PPP2R3A: variants seen among roughly 807,000 people sequenced by gnomAD.
The protein encoded by PPP2R3A is protein phosphatase 2 regulatory subunit B''alpha.
PPP2R3A carries 80 observed loss-of-function variants against 106.9 expected under a neutral mutation model. That is an observed-to-expected ratio of 0.75 (90% CI 0.62 to 0.90). The LOEUF is 0.90. Among genes scored for constraint, PPP2R3A ranks in the 40% least tolerant of loss-of-function variants. PPP2R3A has a pLI of 0.00. For missense variants in PPP2R3A, 1,386 were observed against 1,350.4 expected, an observed-to-expected ratio of 1.03 and a Z score of -0.41; for synonymous variants, 483 against 468.3, an observed-to-expected ratio of 1.03 and a Z score of -0.41.
At chr3:136,131,033 G>T (rs141164406) in intron 13 of PPP2R3A, among the ~76,000 whole-genome samples, 12,410 of 152,140 alleles carry the variant, frequency 0.082, 644 homozygotes, top group African/African-American at 0.15. Context: ...ACTTAATTAA[G>T]TTAGACCTAA....
intron 2 of PPP2R3A, among the ~76,000 whole-genome samples, chr3:136,013,692 T>A: frequency 6.6e-6 from 1 of 152,188 alleles, no homozygotes; most frequent in East Asian, 1.9e-4. Flanking sequence ...GCCCACTTTC[T>A]GATGGGATTG....
intron 13 of PPP2R3A, among the ~76,000 whole-genome samples, chr3:136,137,547 T>TTTTTTTTTTTTTG (rs1938672577): frequency 8.6e-6 from 1 of 116,510 alleles, no homozygotes; most frequent in Non-Finnish European, 1.8e-5. Flanking sequence ...TTTTTTTTTT[T>TTTTTTTTTTTTTG]TTTTTTTTTT....
In PPP2R3A at chr3:136,002,087, C is replaced by T. The variant is rs1217017836; in HGVS notation, c.589C>T (p.Leu197=). 6.2e-7 allele frequency: 1 copy of T among 1,613,992 alleles called. No homozygotes were observed. The change falls in exon 2 of 14, where the codon CTG becomes TTG. Residue 197 remains leucine, a synonymous_variant. Coordinates refer to ENST00000264977, the MANE Select transcript of PPP2R3A (RefSeq NM_002718.5). ...LSHRNSLDTN[L]TSMFLQNFSE... Reference sequence around the variant, plus strand: ...TCATAGAAACTCACTGGATACGAACCTGACTTCCATGTTTCTTCAAAACTT... The same window carrying T: ...TCATAGAAACTCACTGGATACGAACTTGACTTCCATGTTTCTTCAAAACTT...
At chr3:135,991,070 A>G (rs765120636) in intron 1 of PPP2R3A, among the ~76,000 whole-genome samples, 6 of 151,744 alleles carry the variant, frequency 4.0e-5, no homozygotes, top group African/African-American at 7.3e-5. Flanking sequence ...CCTTCAGCCA[A>G]CTACACTACT....
intron 1 of PPP2R3A, among the ~76,000 whole-genome samples, chr3:135,971,806 T>C (rs770868619): frequency 2.6e-5 from 4 of 152,158 alleles, no homozygotes; most frequent in Non-Finnish European, 1.5e-5. Flanking sequence ...ATCACAAATA[T>C]GGTTAGGTAC....
chr3:136,122,671 A>C (rs1044605706), intron 13 of PPP2R3A, among the ~76,000 whole-genome samples: 14 of 152,240 alleles, frequency 9.2e-5, no homozygotes, highest in African/African-American at 3.4e-4. Flanking sequence ...CACAGAGAGC[A>C]TACTATGTAA....
intron 2 of PPP2R3A, among the ~76,000 whole-genome samples, chr3:136,018,128 A>G (rs1373351146): frequency 1.3e-5 from 2 of 152,148 alleles, no homozygotes; most frequent in Non-Finnish European, 2.9e-5. Flanking sequence ...TTAGCTGGGC[A>G]CAGTGCCATG....
intron 2 of PPP2R3A, among the ~76,000 whole-genome samples, chr3:136,020,904 T>C (rs1283281215): frequency 6.6e-6 from 1 of 152,094 alleles, no homozygotes; most frequent in Non-Finnish European, 1.5e-5. Flanking sequence ...AAGTGCTGTA[T>C]ATATAAAGTT....
At chr3:136,043,277 G>A (rs1935354764) in intron 4 of PPP2R3A, among the ~76,000 whole-genome samples, 1 of 152,124 alleles carries the variant, frequency 6.6e-6, no homozygotes. Flanking sequence ...GGCTAACACA[G>A]TGAAACCCCA....
chr3:136,045,626 A>C (rs1397650584), intron 4 of PPP2R3A, among the ~76,000 whole-genome samples: 3 of 152,134 alleles, frequency 2.0e-5, no homozygotes, highest in Non-Finnish European at 4.4e-5. Context: ...GGAAGTTCTC[A>C]CTGCTATCTG....
intron 2 of PPP2R3A, among the ~76,000 whole-genome samples, chr3:136,005,902 C>T (rs1933826943): frequency 6.6e-6 from 1 of 152,188 alleles, no homozygotes; most frequent in African/African-American, 2.4e-5. Flanking sequence ...CAGAAACTCT[C>T]ACTGTGATAC....
intron 10 of PPP2R3A, among the ~76,000 whole-genome samples, chr3:136,096,102 G>A (rs905497484): frequency 6.6e-6 from 1 of 152,058 alleles, no homozygotes; most frequent in African/African-American, 2.4e-5. Context: ...ATTGAATACT[G>A]TACTGAAAGT....
At chr3:136,068,379 A>G (rs1055783716) in intron 5 of PPP2R3A, among the ~76,000 whole-genome samples, 31 of 152,128 alleles carry the variant, frequency 2.0e-4, no homozygotes, top group Admixed American at 1.9e-3. Context: ...TAGGCCGGGC[A>G]TGGTGGCACA....
At chr3:136,036,750 C>G (rs987082624) in intron 3 of PPP2R3A, among the ~76,000 whole-genome samples, 1 of 152,216 alleles carries the variant, frequency 6.6e-6, no homozygotes, top group African/African-American at 2.4e-5. Flanking sequence ...CTGTCTGTCC[C>G]AAGTTGGAGC....
chr3:135,979,635 G>A (rs1332723163), intron 1 of PPP2R3A, among the ~76,000 whole-genome samples: 7 of 151,740 alleles, frequency 4.6e-5, no homozygotes, highest in South Asian at 2.1e-4. Context: ...TGCTTTGGTT[G>A]TAAAAGTGGG....
chr3:136,081,622 A>G (rs1196862742), intron 7 of PPP2R3A, among the ~76,000 whole-genome samples: 1 of 151,542 alleles, frequency 6.6e-6, no homozygotes, highest in South Asian at 2.1e-4. Flanking sequence ...ATATGTCTTT[A>G]TTTATCTGCC....
chr3:136,059,687 T>G (rs1936010442), intron 5 of PPP2R3A, among the ~76,000 whole-genome samples: 1 of 152,230 alleles, frequency 6.6e-6, no homozygotes, highest in Non-Finnish European at 1.5e-5. Flanking sequence ...GTATGTTCAT[T>G]GCAGCACTGT....
intron 1 of PPP2R3A, among the ~76,000 whole-genome samples, chr3:135,988,951 G>A (rs1933047807): frequency 6.6e-6 from 1 of 152,082 alleles, no homozygotes; most frequent in African/African-American, 2.4e-5. Flanking sequence ...TGTCTAACGT[G>A]TTGAGATGGG....
chr3:136,117,177 C>G (rs1440709168), intron 13 of PPP2R3A, among the ~76,000 whole-genome samples: 2 of 152,200 alleles, frequency 1.3e-5, no homozygotes. Flanking sequence ...TAAAGATGTT[C>G]TTTGAAACCA....
Sources: gnomAD v4.1 joint callset for allele counts (sites outside exome capture counted in the v4.1 genomes callset) on GRCh38, gnomAD v4.1.1 for gene constraint, MANE v1.5 for transcripts, NCBI Gene and HGNC (gene_info 2026-07-23, HGNC 2026-07-21) for gene names.